The following POP1 variants were observed in gnomAD, a reference collection of about 807,000 sequenced individuals.
The protein encoded by POP1 is ribonucleases P/MRP protein subunit POP1.
A neutral mutation model predicts 102.2 loss-of-function variants in POP1; 75 were observed. That is an observed-to-expected ratio of 0.73 (90% confidence interval 0.61 to 0.89). The LOEUF is 0.89. Among genes scored for constraint, POP1 ranks in the 40% least tolerant of loss-of-function variants. The pLI is 0.00. For missense variants in POP1, 1,116 were observed against 1,267.4 expected, an observed-to-expected ratio of 0.88 and a Z score of 1.81; for synonymous variants, 436 against 464.1, an observed-to-expected ratio of 0.94 and a Z score of 0.78.
chr8:98,146,919 C>G (rs558298708), intron 12 of POP1, among the ~76,000 whole-genome samples: 6 of 152,092 alleles, frequency 3.9e-5, no homozygotes, highest in African/African-American at 1.2e-4. Flanking sequence ...GTCTATTATC[C>G]AAGGATAAGA....
At chr8:98,141,720 A>AT (rs933222679) in intron 11 of POP1, among the ~76,000 whole-genome samples, 1,622 of 133,100 alleles carry the variant, frequency 0.012, 19 homozygotes, top group African/African-American at 0.032. Flanking sequence ...CGCCTGGCTA[A>AT]TTTTTTTTTT....
At chr8:98,121,686 T>G (rs997693568) in intron 1 of POP1, among the ~76,000 whole-genome samples, 1 of 73,048 alleles carries the variant, frequency 1.4e-5, no homozygotes, top group African/African-American at 3.4e-5. Flanking sequence ...CCCAACTAAT[T>G]TTTTTTTTTT....
intron 14 of POP1, among the ~76,000 whole-genome samples, chr8:98,155,580 G>C (rs925071072): frequency 2.0e-5 from 3 of 151,220 alleles, no homozygotes; most frequent in Admixed American, 6.6e-5. Flanking sequence ...ACCATGCCTG[G>C]CCTATTATTA....
intron 4 of POP1, 78 bp downstream of exon 4, chr8:98,128,618 T>C (rs1473399461): frequency 8.5e-6 from 13 of 1,522,560 alleles, no homozygotes; most frequent in Non-Finnish European, 1.2e-5. Flanking sequence ...TAATAGAATT[T>C]ATTAAAAATG....
chr8:98,131,628 T>A (rs1333294243), intron 5 of POP1, among the ~76,000 whole-genome samples: 1 of 151,734 alleles, frequency 6.6e-6, no homozygotes, highest in Non-Finnish European at 1.5e-5. Context: ...AGAAGTGTAA[T>A]TGCTGGATCA....
chr8:98,118,129 C>T lies in POP1; in HGVS notation c.-3+739C>T, dbSNP rs528415634. On this transcript the variant is annotated intron_variant, in intron 1 of 15. Transcript: ENST00000401707. ...ATTCCCTCTCATTTTGTCCTACATA[C>T]TGCTAAGGTTTTGGCCTTCCTACTT... Among the ~76,000 whole-genome samples the T allele has an allele frequency of 2.0e-5, 3 of 152,324 alleles. No individual in the cohort carries two copies. In the East Asian group the frequency reaches 5.8e-4, roughly 29 times the overall value.
At chr8:98,137,897 G>C (rs1816593122) in intron 9 of POP1, among the ~76,000 whole-genome samples, 1 of 152,212 alleles carries the variant, frequency 6.6e-6, no homozygotes, top group African/African-American at 2.4e-5. Context: ...TTCGTTTTCT[G>C]GTCTTAGTGC....
intron 2 of POP1, among the ~76,000 whole-genome samples, chr8:98,126,722 G>T (rs1169286210): frequency 6.6e-6 from 1 of 152,190 alleles, no homozygotes; most frequent in Admixed American, 6.5e-5. Context: ...GATGGTTCAA[G>T]TATACAATGT....
chr8:98,127,816 G>A (rs948114498), intron 3 of POP1, 54 bp downstream of exon 3: 4 of 1,579,926 alleles, frequency 2.5e-6, no homozygotes, highest in Non-Finnish European at 2.6e-6. Flanking sequence ...CTCGTGTCTA[G>A]TGCAGCAACA....
rs1809645171 is a variant in POP1, at chr8:98,156,274, C to G, written c.2282C>G (p.Thr761Arg). ...CATCAGCCATCTGATGAAGTGGGCA[C>G]ATCCATAGAGCACCCCAGGGAGGCA... ...KTHQPSDEVG[T>R]SIEHPREAEE... Residue 761 changes from threonine to arginine, a missense_variant, in exon 15 of 16, where the codon ACA (threonine) becomes AGA (arginine). Physicochemically the swap from Thr to Arg is moderately conservative, Grantham distance 71. Transcript: ENST00000401707. 1.2e-6 allele frequency: 2 copies of G among 1,614,020 alleles called. No homozygotes were observed. The highest frequency in any genetic ancestry group is 1.7e-6 in the Non-Finnish European group (2 of 1,180,048).
chr8:98,136,826 A>G, intron 8 of POP1, 35 bp from the exon 9 acceptor site: 11 of 1,609,186 alleles, frequency 6.8e-6, no homozygotes, highest in Non-Finnish European at 9.4e-6. Context: ...TTGTGTGATG[A>G]AAGTTTCCAT....
chr8:98,156,096 G>A lies in POP1; in HGVS notation c.2104G>A (p.Ala702Thr). Residue 702 changes from alanine to threonine, a missense_variant, in exon 15 of 16, where the codon GCA (alanine) becomes ACA (threonine). Transcript: ENST00000401707. ...CAACTACGTTAAGCTTGGCACTCTG[G>A]CACCTTTCTGCTGTCCCTGGGAGCA... is the stretch of plus-strand genomic sequence containing the variant. ...RPNYVKLGTL[A>T]PFCCPWEQLT... 6.2e-7 allele frequency: 1 copy of A among 1,614,002 alleles called. No homozygotes were observed. The highest frequency in any genetic ancestry group is 1.1e-5 in the South Asian group (1 of 91,074).
intron 6 of POP1, among the ~76,000 whole-genome samples, 182 bp from the exon 7 acceptor site, chr8:98,134,290 A>C (rs1232211693): frequency 6.6e-6 from 1 of 152,198 alleles, no homozygotes; most frequent in East Asian, 1.9e-4. Context: ...TGAAGCTCTC[A>C]TTACTCATTT....
chr8:98,151,492 T>C (rs1179993729), intron 14 of POP1, among the ~76,000 whole-genome samples: 2 of 152,202 alleles, frequency 1.3e-5, no homozygotes, highest in African/African-American at 4.8e-5. Context: ...TATTCTAACA[T>C]TGGGAATTTG....
At position 98,125,419 on chromosome 8, in the gene POP1, C is replaced by T. The variant is rs528428513; in HGVS notation, c.142+1940C>T. On this transcript the variant is annotated intron_variant, in intron 2 of 15. Transcript: ENST00000401707. Reference sequence around the variant, plus strand: ...CATGCTGGTGTCAAACTCCTAACCTCAAGTGATCCACCTGCTTCGGCCTCC... The same window carrying T: ...CATGCTGGTGTCAAACTCCTAACCTTAAGTGATCCACCTGCTTCGGCCTCC... Among the ~76,000 whole-genome samples the T allele has an allele frequency of 3.3e-5, 5 of 152,246 alleles. No homozygotes were observed. The South Asian group carries it at 1.0e-3, about 32-fold the overall frequency.
At position 98,136,883 on chromosome 8, in the gene POP1, A is replaced by G. The variant is rs1297501014; in HGVS notation, c.1291A>G (p.Arg431Gly). Residue 431 changes from arginine to glycine, a missense_variant, in exon 9 of 16, where the codon AGA becomes GGA. Arg to Gly is a moderately radical substitution (Grantham distance 125). Transcript: ENST00000401707. ...CAGCGATTTGACGATGGAGATGAAC[A>G]GATTCCGGCTGATTGGGCCACTTTC... ...IISDLTMEMN[R>G]FRLIGPLSHS... 1 of 1,614,044 alleles carries G rather than the reference A, an allele frequency of 6.2e-7. No individual in the cohort carries two copies. The highest frequency in any genetic ancestry group is 1.7e-5 in the Admixed American group (1 of 60,034).
chr8:98,129,887 TA>T, intron 4 of POP1, 90 bp from the exon 5 acceptor site: 8 of 1,428,048 alleles, frequency 5.6e-6, no homozygotes, highest in Middle Eastern at 2.0e-4. Context: ...ATATTCCACT[TA>T]ATCTAAAGTT....
chr8:98,154,141 A>G (rs1809588531), intron 14 of POP1, among the ~76,000 whole-genome samples: 1 of 152,194 alleles, frequency 6.6e-6, no homozygotes, highest in African/African-American at 2.4e-5. Context: ...AATTGAGAGG[A>G]GAAACATGGG....
chr8:98,123,579 C>G, intron 2 of POP1, 100 bp downstream of exon 2: 1 of 1,026,394 alleles, frequency 9.7e-7, no homozygotes, highest in Non-Finnish European at 1.4e-6. Flanking sequence ...GAGATCAAGA[C>G]CATCCTGGCC....
Sources: gnomAD v4.1 joint callset for allele counts (sites outside exome capture counted in the v4.1 genomes callset) on GRCh38, gnomAD v4.1.1 for gene constraint, MANE v1.5 for transcripts, NCBI Gene and HGNC (gene_info 2026-07-23, HGNC 2026-07-21) for gene names.